ZNF469: variants seen among roughly 807,000 people sequenced by gnomAD.
ZNF469 encodes zinc finger protein 469.
In ZNF469, 1 loss-of-function variant was observed where a neutral mutation model predicts 1.0. The observed-to-expected ratio is 1.00, with a 90% CI of 0.35 to 4.73. ZNF469 has a LOEUF of 4.73. ZNF469 is among the 30% of genes most tolerant of loss of function. ZNF469 has a pLI of 0.16. For missense variants in ZNF469, 6,100 were observed against 5,356.3 expected (o/e 1.14, Z -4.33); for synonymous variants, 2,703 against 2,363.4 (o/e 1.14, Z -4.17).
chr16:88,439,206 C>T lies in ZNF469; in HGVS notation c.11736C>T (p.His3912=), dbSNP rs1906831914. Residue 3912 remains histidine, a synonymous_variant, in exon 3 of 3, where the codon CAC becomes CAT. Coordinates refer to ENST00000565624, the MANE Select transcript of ZNF469 (RefSeq NM_001367624.2). ...LRPPKRGTAV[H]GAEPAEPHTH... ...CCCCCAAGAGGGGCACAGCTGTCCA[C>T]GGTGCTGAACCTGCCGAGCCACACA... 16 of 1,550,102 alleles carry T rather than the reference C, an allele frequency of 1.0e-5. No homozygotes were observed. The highest frequency in any genetic ancestry group is 1.3e-5 in the Non-Finnish European group (15 of 1,146,796).
the ZNF469 span, among the ~76,000 whole-genome samples, chr16:88,326,242 C>T: frequency 6.6e-6 from 1 of 152,154 alleles, no homozygotes; most frequent in Non-Finnish European, 1.5e-5. Flanking sequence ...AGTGAATAAG[C>T]CTCATGAGAT....
the ZNF469 span, among the ~76,000 whole-genome samples, chr16:88,225,201 T>C: frequency 2.0e-5 from 3 of 152,248 alleles, no homozygotes; most frequent in Non-Finnish European, 2.9e-5. Context: ...CAGCCATAAA[T>C]GAGTGGCTGT....
the ZNF469 span, among the ~76,000 whole-genome samples, chr16:88,289,702 G>A: frequency 6.6e-6 from 1 of 152,196 alleles, no homozygotes; most frequent in African/African-American, 2.4e-5. Context: ...GAGAGAGGGT[G>A]CGTAGGAGTG....
intron 1 of ZNF469, among the ~76,000 whole-genome samples, chr16:88,404,641 C>A (rs960435656): frequency 1.3e-5 from 2 of 152,168 alleles, no homozygotes; most frequent in African/African-American, 2.4e-5. Flanking sequence ...TGCTGCTATG[C>A]AAATGAGTGC....
the ZNF469 span, among the ~76,000 whole-genome samples, chr16:88,249,646 C>T: frequency 6.6e-6 from 1 of 152,056 alleles, no homozygotes; most frequent in African/African-American, 2.4e-5. Context: ...CCGTGTTAGC[C>T]AGGATGGTCT....
At chr16:88,354,019 C>A in the ZNF469 span, among the ~76,000 whole-genome samples, 1 of 152,226 alleles carries the variant, frequency 6.6e-6, no homozygotes, top group Non-Finnish European at 1.5e-5. Flanking sequence ...GCTGCCCCAG[C>A]TGGAATGTAA....
Position 88,436,575 on chromosome 16 carries a change from C to G in ZNF469, c.9105C>G (p.Asn3035Lys), listed in dbSNP as rs1158721821. The G allele has an allele frequency of 6.5e-7, 1 of 1,542,364 alleles. No homozygotes were observed. Among genetic ancestry groups the G allele is most frequent in the Non-Finnish European group, 8.8e-7 (1 of 1,141,572 alleles). The change falls in exon 3 of 3, where the codon AAC becomes AAG. Residue 3035 changes from asparagine to lysine, a missense_variant. Physicochemically the swap from Asn to Lys is moderately conservative, Grantham distance 94 (BLOSUM62 0). Coordinates refer to ENST00000565624, the MANE Select transcript of ZNF469 (RefSeq NM_001367624.2). The stretch of plus-strand genomic sequence containing the variant: ...GCTGTGACGGTGGGCTTCCCGGGAA[C>G]ACCCACCTGCTGCCGCTCCGTGCCA... ...RERCDGGLPG[N>K]THLLPLRATD... is the part of the protein sequence containing the mutation.
the ZNF469 span, among the ~76,000 whole-genome samples, chr16:88,316,518 C>G: frequency 1.4e-5 from 2 of 146,338 alleles, no homozygotes; most frequent in African/African-American, 5.1e-5. Flanking sequence ...GTCAGCTTGG[C>G]TGGTGAGCAC....
chr16:88,421,940 C>G (rs1406510067), intron 1 of ZNF469, among the ~76,000 whole-genome samples: 4 of 152,144 alleles, frequency 2.6e-5, no homozygotes, highest in Admixed American at 2.6e-4. Flanking sequence ...GCATCCAACA[C>G]AAATGTAAAG....
At chr16:88,334,742 A>G in the ZNF469 span, among the ~76,000 whole-genome samples, 3 of 152,258 alleles carry the variant, frequency 2.0e-5, no homozygotes, top group Non-Finnish European at 4.4e-5. Flanking sequence ...TGAAAGCGTC[A>G]TAAGGAAAAG....
At chr16:88,149,217 C>T in the ZNF469 span, among the ~76,000 whole-genome samples, 8 of 152,254 alleles carry the variant, frequency 5.3e-5, no homozygotes, top group East Asian at 1.9e-4. Context: ...CAGCCAGGCC[C>T]GCTTCTTTGT....
chr16:88,228,021 G>T, the ZNF469 span, among the ~76,000 whole-genome samples: 4 of 152,348 alleles, frequency 2.6e-5, no homozygotes, highest in East Asian at 7.7e-4. Context: ...TTCCTTCCAT[G>T]TCTTCATGTG....
At chr16:88,102,875 G>A in the ZNF469 span, among the ~76,000 whole-genome samples, 7 of 152,262 alleles carry the variant, frequency 4.6e-5, no homozygotes, top group Admixed American at 4.6e-4. Context: ...TGCAGCCTCT[G>A]TGGTGACACG....
the ZNF469 span, among the ~76,000 whole-genome samples, chr16:88,190,038 C>G: frequency 0.016 from 2,127 of 135,580 alleles, 61 homozygotes; most frequent in African/African-American, 0.054. Flanking sequence ...ACTTCCTCTA[C>G]TTTTCTCTCT....
the ZNF469 span, among the ~76,000 whole-genome samples, chr16:88,306,281 G>C: frequency 6.6e-6 from 1 of 152,258 alleles, no homozygotes; most frequent in Non-Finnish European, 1.5e-5. Context: ...CTGCATGGCA[G>C]GTGCTGTCCG....
At chr16:88,237,124 C>T in the ZNF469 span, among the ~76,000 whole-genome samples, 2 of 146,970 alleles carry the variant, frequency 1.4e-5, no homozygotes, top group Non-Finnish European at 3.0e-5. Context: ...GCTTCCTGGG[C>T]CCCTAAATCC....
At chr16:88,116,146 C>T in the ZNF469 span, among the ~76,000 whole-genome samples, 2 of 152,306 alleles carry the variant, frequency 1.3e-5, no homozygotes, top group African/African-American at 4.8e-5. Flanking sequence ...AAAAAACAAG[C>T]CGATGTGAGA....
At chr16:88,324,104 C>T in the ZNF469 span, among the ~76,000 whole-genome samples, 1 of 152,236 alleles carries the variant, frequency 6.6e-6, no homozygotes, top group Non-Finnish European at 1.5e-5. Context: ...TGGCACACCA[C>T]ATGGCTGGCC....
At chr16:88,309,432 C>T in the ZNF469 span, among the ~76,000 whole-genome samples, 42 of 151,370 alleles carry the variant, frequency 2.8e-4, no homozygotes, top group African/African-American at 9.0e-4. Flanking sequence ...GGTCCCCTCT[C>T]GGTGTTCAGG....
Sources: gnomAD v4.1 joint callset for allele counts (sites outside exome capture counted in the v4.1 genomes callset) on GRCh38, gnomAD v4.1.1 for gene constraint, MANE v1.5 for transcripts, NCBI Gene and HGNC (gene_info 2026-07-23, HGNC 2026-07-21) for gene names.